EXOC4: variants seen among roughly 807,000 people sequenced by gnomAD.
EXOC4 encodes the protein SEC8-like 1.
In EXOC4, 71 loss-of-function variants were observed where a neutral mutation model predicts 107.2. The observed-to-expected ratio is 0.66, with a 90% CI of 0.55 to 0.81. The LOEUF (loss-of-function observed/expected upper bound fraction) is 0.81. EXOC4 is among the 30% of genes least tolerant of loss of function. The pLI, the probability that EXOC4 is intolerant of heterozygous loss-of-function variation, is 0.00. For missense variants in EXOC4, 1,108 were observed against 1,189.6 expected (o/e 0.93, Z 1.01); for synonymous variants, 456 against 441.2 (o/e 1.03, Z -0.42).
intron 10 of EXOC4, among the ~76,000 whole-genome samples, chr7:133,661,527 C>T (rs192343869): frequency 2.3e-4 from 35 of 151,952 alleles, no homozygotes; most frequent in Admixed American, 6.6e-4. Context: ...AACTGCTTAT[C>T]GTTAGGGGCT....
chr7:133,307,077 T>G (rs1312815962), intron 4 of EXOC4, among the ~76,000 whole-genome samples: 1 of 152,228 alleles, frequency 6.6e-6, no homozygotes, highest in African/African-American at 2.4e-5. Flanking sequence ...ATGTTCATGC[T>G]TCTTCATTCA....
intron 13 of EXOC4, among the ~76,000 whole-genome samples, chr7:133,918,996 A>G (rs987003313): frequency 5.9e-5 from 9 of 152,204 alleles, no homozygotes; most frequent in African/African-American, 1.9e-4. Context: ...GTTAACCTAT[A>G]ATCATACACT....
intron 9 of EXOC4, among the ~76,000 whole-genome samples, chr7:133,591,550 GT>G (rs1801544159): frequency 3.0e-5 from 1 of 33,316 alleles, no homozygotes; most frequent in African/African-American, 9.2e-5. Context: ...AAGATCTGGT[GT>G]GTGTGTGTGT....
intron 10 of EXOC4, among the ~76,000 whole-genome samples, chr7:133,707,848 T>C (rs1353580548): frequency 6.6e-6 from 1 of 152,124 alleles, no homozygotes; most frequent in African/African-American, 2.4e-5. Context: ...ACTCCTGACC[T>C]CCCAAAATGC....
intron 10 of EXOC4, among the ~76,000 whole-genome samples, chr7:133,650,334 G>A (rs999986521): frequency 1.3e-5 from 2 of 152,004 alleles, no homozygotes; most frequent in African/African-American, 4.8e-5. Flanking sequence ...AAGGCTTGAC[G>A]ATAAAATGCA....
At chr7:133,916,538 C>T (rs1010527135) in intron 12 of EXOC4, among the ~76,000 whole-genome samples, 10 of 152,208 alleles carry the variant, frequency 6.6e-5, no homozygotes, top group African/African-American at 2.4e-4. Context: ...CAAAGTGCTG[C>T]AGTCATAGAT....
At chr7:133,623,976 T>C (rs973109807) in intron 9 of EXOC4, among the ~76,000 whole-genome samples, 4 of 152,160 alleles carry the variant, frequency 2.6e-5, no homozygotes, top group Admixed American at 2.0e-4. Context: ...TCTTGAACCA[T>C]TCAGCTGGCT....
intron 10 of EXOC4, among the ~76,000 whole-genome samples, chr7:133,740,346 A>G (rs1198721055): frequency 1.3e-5 from 2 of 152,208 alleles, no homozygotes; most frequent in Admixed American, 1.3e-4. Flanking sequence ...ATGAGTCTGC[A>G]TGAATGTTAG....
intron 9 of EXOC4, among the ~76,000 whole-genome samples, chr7:133,626,054 A>G (rs1278600098): frequency 3.3e-5 from 5 of 152,072 alleles, no homozygotes; most frequent in African/African-American, 1.2e-4. Flanking sequence ...TAAAAATACA[A>G]AAATTAGCTA....
intron 6 of EXOC4, among the ~76,000 whole-genome samples, chr7:133,361,442 G>A (rs890247210): frequency 8.6e-5 from 13 of 152,018 alleles, no homozygotes; most frequent in Non-Finnish European, 1.5e-4. Flanking sequence ...CACCACGCCC[G>A]GCTAATTTTT....
At chr7:133,685,703 A>C (rs1794282489) in intron 10 of EXOC4, among the ~76,000 whole-genome samples, 1 of 152,222 alleles carries the variant, frequency 6.6e-6, no homozygotes, top group African/African-American at 2.4e-5. Flanking sequence ...AGAAAGAACA[A>C]GTATACCTCT....
rs570811906 is a variant in EXOC4, at chr7:133,863,886, T to A, written c.1735-31713T>A. ...CAAATAGAGCTTTGAGCAAACAGAT[T>A]TCACAAAAGGCAGTGGGTGGCCATT... On this transcript the variant is annotated intron_variant, in intron 11 of 17. Transcript: ENST00000253861. Among the ~76,000 whole-genome samples, 63 of 152,278 alleles carry A rather than the reference T, an allele frequency of 4.1e-4. 1 individual carries two copies. Among genetic ancestry groups the A allele is most frequent in the African/African-American group, 1.2e-3 (50 of 41,572 alleles).
intron 14 of EXOC4, among the ~76,000 whole-genome samples, chr7:133,982,739 G>A (rs569389186): frequency 2.8e-4 from 43 of 152,246 alleles, no homozygotes; most frequent in Non-Finnish European, 4.9e-4. Flanking sequence ...TTCACAAGTG[G>A]CAAATCTGTT....
intron 14 of EXOC4, among the ~76,000 whole-genome samples, chr7:133,990,949 G>T (rs753587276): frequency 1.3e-5 from 2 of 152,172 alleles, no homozygotes; most frequent in Non-Finnish European, 2.9e-5. Flanking sequence ...ACCCAGCAGT[G>T]AGATTGCTGG....
chr7:133,253,731 C>G (rs1362801559), intron 1 of EXOC4: 1 of 161,000 alleles, frequency 6.2e-6, no homozygotes, highest in African/African-American at 2.4e-5. Flanking sequence ...TGAAGGCACA[C>G]ATCGGTTTTC....
intron 17 of EXOC4, among the ~76,000 whole-genome samples, chr7:134,026,257 C>T (rs750065305): frequency 1.3e-5 from 2 of 151,472 alleles, no homozygotes; most frequent in African/African-American, 2.4e-5. Flanking sequence ...CCTGTCTCCC[C>T]ACGATGGCAA....
chr7:133,903,914 A>G (rs1232915929), intron 12 of EXOC4, among the ~76,000 whole-genome samples: 2 of 152,206 alleles, frequency 1.3e-5, no homozygotes, highest in African/African-American at 2.4e-5. Context: ...ACAGTGTTGT[A>G]GTGTTGCCAG....
At chr7:133,967,510 A>T (rs1035541019) in intron 14 of EXOC4, among the ~76,000 whole-genome samples, 3 of 152,098 alleles carry the variant, frequency 2.0e-5, no homozygotes, top group African/African-American at 7.2e-5. Context: ...TGTGTCTGAG[A>T]GATTCTGGTA....
chr7:133,287,657 C>CT (rs529872226), intron 2 of EXOC4, among the ~76,000 whole-genome samples: 9 of 151,982 alleles, frequency 5.9e-5, no homozygotes, highest in African/African-American at 1.7e-4. Context: ...TTATTAAAGA[C>CT]TTTTTTTTAA....
Sources: allele counts gnomAD v4.1 joint callset (sites outside exome capture counted in the v4.1 genomes callset), GRCh38; gene constraint gnomAD v4.1.1; transcripts MANE v1.5; gene names NCBI Gene and HGNC (gene_info 2026-07-23, HGNC 2026-07-21).